FGF12: variants seen among roughly 807,000 people sequenced by gnomAD.
The protein encoded by FGF12 is fibroblast growth factor 12B.
In FGF12, 14 loss-of-function variants were observed where a neutral mutation model predicts 23.6. The ratio of observed to expected loss-of-function variants is 0.59; its 90% CI spans 0.39 to 0.93. The LOEUF is 0.93. Among genes scored for constraint, FGF12 ranks in the 40% least tolerant of loss-of-function variants. The pLI is 0.00. For missense variants in FGF12, 175 were observed against 217.8 expected (o/e 0.80, Z 1.24); for synonymous variants, 62 against 77.3 (o/e 0.80, Z 1.04).
intron 2 of FGF12, among the ~76,000 whole-genome samples, chr3:192,525,314 TG>T (rs1259263710): frequency 1.3e-5 from 2 of 152,208 alleles, no homozygotes; most frequent in African/African-American, 4.8e-5. Flanking sequence ...TAACTACAAC[TG>T]GACACGTATC....
intron 5 of FGF12, among the ~76,000 whole-genome samples, chr3:192,167,140 A>G (rs1269844030): frequency 6.7e-6 from 1 of 149,632 alleles, no homozygotes; most frequent in Non-Finnish European, 1.5e-5. Context: ...TAGTCACAGA[A>G]CATTTATTTG....
intron 4 of FGF12, among the ~76,000 whole-genome samples, chr3:192,281,613 A>G (rs1430936116): frequency 1.3e-5 from 2 of 152,112 alleles, no homozygotes; most frequent in Non-Finnish European, 2.9e-5. Flanking sequence ...GACTTCACAG[A>G]TGTCTCCATG....
At chr3:192,268,543 T>G (rs1355544591) in intron 4 of FGF12, 2 of 213,092 alleles carry the variant, frequency 9.4e-6, no homozygotes, top group African/African-American at 4.7e-5. Context: ...GCTTGGGTCA[T>G]CCCCTTGATG....
chr3:192,174,764 G>A (rs912191178), intron 4 of FGF12, among the ~76,000 whole-genome samples: 1 of 151,194 alleles, frequency 6.6e-6, no homozygotes, highest in Non-Finnish European at 1.5e-5. Flanking sequence ...AAAAATCAGG[G>A]TTTTCCTTCT....
At chr3:192,711,872 G>C (rs1002310521) in intron 2 of FGF12, among the ~76,000 whole-genome samples, 5 of 144,010 alleles carry the variant, frequency 3.5e-5, no homozygotes, top group Non-Finnish European at 7.4e-5. Context: ...TTTATCTGCT[G>C]ACCTTCCCTC....
intron 2 of FGF12, among the ~76,000 whole-genome samples, chr3:192,616,755 G>A (rs1040280135): frequency 7.2e-5 from 11 of 151,852 alleles, no homozygotes; most frequent in South Asian, 2.1e-4. Flanking sequence ...ATGTATATGA[G>A]AATGTCCTGT....
chr3:192,514,019 T>C lies in FGF12; in HGVS notation c.14-153481A>G, dbSNP rs1724575996. ...TTGGTGGGGTTTTTTTCATTCAATT[T>C]TTAATGGCCTTTCTCAATATCTCAG... On this transcript the variant is annotated intron_variant, in intron 2 of 5. Coordinates refer to ENST00000445105, the MANE Select transcript of FGF12 (RefSeq NM_004113.6). This position sits in a 1 kb window ranked among gnomAD's most constrained non-coding sequence, Gnocchi z 4.9. Among the ~76,000 whole-genome samples, 1 of 152,178 alleles carries C rather than the reference T, an allele frequency of 6.6e-6. No homozygotes were observed. Among genetic ancestry groups the C allele is most frequent in the Non-Finnish European group, 1.5e-5 (1 of 68,036 alleles).
intron 2 of FGF12, among the ~76,000 whole-genome samples, chr3:192,527,902 T>A (rs1192188103): frequency 6.9e-6 from 1 of 145,030 alleles, no homozygotes; most frequent in East Asian, 2.1e-4. Flanking sequence ...TCAGATCTGG[T>A]GAGACTTATT....
intron 2 of FGF12, among the ~76,000 whole-genome samples, chr3:192,374,011 A>G (rs553828624): frequency 5.3e-5 from 8 of 152,326 alleles, no homozygotes; most frequent in African/African-American, 1.9e-4. Context: ...AATTGAAAAC[A>G]GTTTCCCATT....
At chr3:192,527,880 C>T (rs1164408982) in intron 2 of FGF12, among the ~76,000 whole-genome samples, 1 of 152,146 alleles carries the variant, frequency 6.6e-6, no homozygotes, top group Non-Finnish European at 1.5e-5. Context: ...GAAACTCCCC[C>T]TTATATAATC....
chr3:192,584,846 T>A (rs1713307355), intron 2 of FGF12, among the ~76,000 whole-genome samples: 1 of 152,044 alleles, frequency 6.6e-6, no homozygotes, highest in African/African-American at 2.4e-5. Flanking sequence ...CCTCTATTGA[T>A]GAATTACTGT....
chr3:192,482,841 T>C (rs796610085), intron 2 of FGF12, among the ~76,000 whole-genome samples: 4 of 152,314 alleles, frequency 2.6e-5, no homozygotes, highest in African/African-American at 9.6e-5. Flanking sequence ...TAATAAAATA[T>C]TTATTATTCA....
At chr3:192,369,733 G>A (rs1410766415) in intron 2 of FGF12, among the ~76,000 whole-genome samples, 1 of 152,164 alleles carries the variant, frequency 6.6e-6, no homozygotes, top group Non-Finnish European at 1.5e-5. Flanking sequence ...CATGCACTAG[G>A]TGCTGGGTAC....
At chr3:192,206,913 G>A (rs1717679538) in intron 4 of FGF12, among the ~76,000 whole-genome samples, 1 of 152,090 alleles carries the variant, frequency 6.6e-6, no homozygotes, top group Admixed American at 6.6e-5. Flanking sequence ...CCTCAATAGT[G>A]GGAAATCTTA....
intron 4 of FGF12, among the ~76,000 whole-genome samples, chr3:192,264,307 T>C (rs1246896530): frequency 6.6e-6 from 1 of 152,104 alleles, no homozygotes; most frequent in African/African-American, 2.4e-5. Context: ...AAGGAAGACT[T>C]TTCCTAAAAG....
chr3:192,332,528 C>A (rs1717176834), intron 4 of FGF12, among the ~76,000 whole-genome samples: 1 of 152,010 alleles, frequency 6.6e-6, no homozygotes, highest in African/African-American at 2.4e-5. Flanking sequence ...CACAAAATTT[C>A]AGAACAACTC....
chr3:192,241,979 A>G (rs1719638491), intron 4 of FGF12, among the ~76,000 whole-genome samples: 1 of 152,202 alleles, frequency 6.6e-6, no homozygotes, highest in Non-Finnish European at 1.5e-5. Context: ...TAATAAAAAT[A>G]CGTTGCATCA....
intron 2 of FGF12, among the ~76,000 whole-genome samples, chr3:192,662,154 C>T (rs1417365575): frequency 6.6e-6 from 1 of 152,190 alleles, no homozygotes; most frequent in Non-Finnish European, 1.5e-5. Context: ...AAGGAAGTAG[C>T]CTCAAGGTCA....
At chr3:192,374,086 C>A (rs6790539) in intron 2 of FGF12, among the ~76,000 whole-genome samples, 1 of 152,092 alleles carries the variant, frequency 6.6e-6, no homozygotes, top group African/African-American at 2.4e-5. Context: ...AAAGGGCACA[C>A]GTTTGGGAGA....
Sources: allele counts gnomAD v4.1 joint callset (sites outside exome capture counted in the v4.1 genomes callset), GRCh38; gene constraint gnomAD v4.1.1; non-coding constraint Gnocchi (gnomAD v3.1); transcripts MANE v1.5; gene names NCBI Gene and HGNC (gene_info 2026-07-23, HGNC 2026-07-21).